CRB1: variants seen among roughly 807,000 people sequenced by gnomAD.
CRB1 encodes crumbs cell polarity complex component 1.
A neutral mutation model predicts 120.0 loss-of-function variants in CRB1; 83 were observed. That is an observed-to-expected ratio of 0.69 (90% CI 0.58 to 0.83). The LOEUF is 0.83. Among genes scored for constraint, CRB1 ranks in the 40% least tolerant of loss-of-function variants. The probability of loss-of-function intolerance (pLI) is 0.00; values close to 1 mark genes in which losing one functional copy is unlikely to be tolerated. For missense variants in CRB1, 1,699 were observed against 1,687.6 expected (o/e 1.01, Z -0.12); for synonymous variants, 625 against 612.5 (o/e 1.02, Z -0.30).
the CRB1 span, among the ~76,000 whole-genome samples, chr1:197,256,792 C>T: frequency 1.3e-5 from 2 of 149,006 alleles, no homozygotes; most frequent in African/African-American, 5.0e-5. Flanking sequence ...TACCCTAAAA[C>T]TTAAAGTATA....
At chr1:197,222,483 A>G in the CRB1 span, 2 of 768,990 alleles carry the variant, frequency 2.6e-6, no homozygotes, top group Non-Finnish European at 4.9e-6. Context: ...ACCACCAGGC[A>G]GTGTCATTTC....
chr1:197,401,646 T>C (rs1663069033), intron 5 of CRB1, among the ~76,000 whole-genome samples: 1 of 152,172 alleles, frequency 6.6e-6, no homozygotes, highest in South Asian at 2.1e-4. Context: ...TATGACCAGT[T>C]CTTTAATAAT....
chr1:197,395,984 T>C (rs1490861371), intron 5 of CRB1, among the ~76,000 whole-genome samples: 3 of 152,132 alleles, frequency 2.0e-5, no homozygotes, highest in African/African-American at 7.2e-5. Context: ...GTATTGGTGA[T>C]CCTGGTCAGT....
chr1:197,396,857 C>T (rs1662798191), intron 5 of CRB1, among the ~76,000 whole-genome samples: 1 of 151,950 alleles, frequency 6.6e-6, no homozygotes, highest in South Asian at 2.1e-4. Flanking sequence ...TCGAAGAGAA[C>T]ACAGAAAATA....
chr1:197,449,392 A>T (rs1387499028), intron 11 of CRB1, among the ~76,000 whole-genome samples: 2 of 152,040 alleles, frequency 1.3e-5, no homozygotes, highest in African/African-American at 4.8e-5. Flanking sequence ...TTTGAGATGG[A>T]GTCTCGCACT....
At chr1:197,277,157 AT>A (rs927035879) in intron 1 of CRB1, among the ~76,000 whole-genome samples, 7 of 151,878 alleles carry the variant, frequency 4.6e-5, no homozygotes, top group African/African-American at 1.7e-4. Context: ...TACCTTTAAA[AT>A]TTTTTCAGGG....
chr1:197,239,026 TCTTA>T, the CRB1 span, among the ~76,000 whole-genome samples: 1 of 145,888 alleles, frequency 6.9e-6, no homozygotes, highest in Non-Finnish European at 1.5e-5. Context: ...TAGATGCATC[TCTTA>T]CTTACTCTTC....
the CRB1 span, among the ~76,000 whole-genome samples, chr1:197,258,877 T>C: frequency 7.1e-3 from 1,080 of 152,320 alleles, 16 homozygotes; most frequent in African/African-American, 0.022. Context: ...GAGCATCTGG[T>C]TTATAAGAAT....
intron 11 of CRB1, among the ~76,000 whole-genome samples, chr1:197,470,004 C>T (rs1666911917): frequency 6.6e-6 from 1 of 152,206 alleles, no homozygotes; most frequent in Non-Finnish European, 1.5e-5. Flanking sequence ...CCCCTTGCTG[C>T]TTCCGTTCCT....
the CRB1 span, chr1:197,222,576 G>A: frequency 1.3e-6 from 1 of 768,982 alleles, no homozygotes; most frequent in Non-Finnish European, 2.4e-6. Flanking sequence ...CGAAACTCCT[G>A]TTGTTTTGCA....
At chr1:197,324,309 C>G (rs1268178553) in intron 1 of CRB1, among the ~76,000 whole-genome samples, 1 of 152,136 alleles carries the variant, frequency 6.6e-6, no homozygotes, top group African/African-American at 2.4e-5. Flanking sequence ...TGAACTTATT[C>G]ATTTGTTAAA....
chr1:197,453,796 T>C (rs1437451817), intron 11 of CRB1, among the ~76,000 whole-genome samples: 1 of 143,556 alleles, frequency 7.0e-6, no homozygotes, highest in Non-Finnish European at 1.5e-5. Flanking sequence ...ATTATTAATA[T>C]ATTAATAATA....
chr1:197,315,967 C>G (rs1471296132), intron 1 of CRB1, among the ~76,000 whole-genome samples: 4 of 152,150 alleles, frequency 2.6e-5, no homozygotes, highest in African/African-American at 9.7e-5. Context: ...AAAGCTTATT[C>G]TGACTTCATA....
intron 11 of CRB1, among the ~76,000 whole-genome samples, chr1:197,466,759 C>T (rs981343932): frequency 8.5e-5 from 13 of 152,054 alleles, no homozygotes; most frequent in Admixed American, 6.5e-4. Flanking sequence ...ATTTTTTCTG[C>T]GTAATGTGAG....
intron 1 of CRB1, among the ~76,000 whole-genome samples, chr1:197,299,200 A>C (rs956945917): frequency 6.6e-6 from 1 of 152,114 alleles, no homozygotes; most frequent in African/African-American, 2.4e-5. Flanking sequence ...AGACATGAAG[A>C]ACTATTTCAC....
chr1:197,284,276 C>A (rs1171993155), intron 1 of CRB1, among the ~76,000 whole-genome samples: 2 of 151,904 alleles, frequency 1.3e-5, no homozygotes, highest in Non-Finnish European at 2.9e-5. Context: ...CAGAGGTCTC[C>A]TGATTCTCAG....
rs972597798 is a variant in CRB1, at chr1:197,417,537, A to T, written c.1172-3463A>T. ...AAGAAGGAGTAAACGTCAGTAAACC[A>T]ATAGCAAAGGGGTTGAGGAAGGAGC... is the stretch of plus-strand genomic sequence containing the variant. On this transcript the variant is annotated intron_variant, in intron 5 of 11. Coordinates refer to ENST00000367400, the MANE Select transcript of CRB1 (RefSeq NM_201253.3). Among the ~76,000 whole-genome samples the T allele has an allele frequency of 3.9e-5, 6 of 152,230 alleles. No homozygotes were observed. In the East Asian group the frequency reaches 1.2e-3, roughly 29 times the overall value.
rs144798709 is a variant in CRB1 at position 197,356,868 on chromosome 1, A to C, written c.1026A>C (p.Glu342Asp). The C allele has an allele frequency of 1.9e-6, 3 of 1,614,082 alleles. No individual in the cohort carries two copies. The African/African-American group carries it at 4.0e-5, about 22-fold the overall frequency. Residue 342 changes from glutamate to aspartate, a missense_variant, in exon 5 of 12, where the codon GAA (glutamate) becomes GAC (aspartate). Physicochemically the swap from Glu to Asp is conservative, Grantham distance 45. Coordinates refer to ENST00000367400, the MANE Select transcript of CRB1 (RefSeq NM_201253.3). ...CCCAGTGTGAGATCGACCTCAATGA[A>C]TGCAATAGTAACCCCTGCCAGTCCA... Reference protein sequence around the residue: ...TGAQCEIDLNECNSNPCQSNG... With the variant: ...TGAQCEIDLNDCNSNPCQSNG...
chr1:197,350,297 T>C (rs1300991697), intron 4 of CRB1, among the ~76,000 whole-genome samples: 2 of 152,092 alleles, frequency 1.3e-5, no homozygotes, highest in Non-Finnish European at 2.9e-5. Flanking sequence ...AAGTTCCTCA[T>C]CTGCAAAAGA....
Sources: allele counts gnomAD v4.1 joint callset (sites outside exome capture counted in the v4.1 genomes callset), GRCh38; gene constraint gnomAD v4.1.1; transcripts MANE v1.5; gene names NCBI Gene and HGNC (gene_info 2026-07-23, HGNC 2026-07-21).